Variants in GOLM2 observed in about 807,000 individuals in gnomAD.
GOLM2 encodes the protein golgi membrane protein 2.
A neutral mutation model predicts 55.9 loss-of-function variants in GOLM2; 26 were observed. That is an observed-to-expected ratio of 0.47 (90% confidence interval 0.34 to 0.65). GOLM2 has a LOEUF of 0.65. Among genes scored for constraint, GOLM2 ranks in the 30% least tolerant of loss-of-function variants. The pLI is 0.01. For missense variants in GOLM2, 486 were observed against 531.8 expected (o/e 0.91, Z 0.85); for synonymous variants, 165 against 194.6 (o/e 0.85, Z 1.27).
chr15:44,402,752 C>A, intron 8 of GOLM2, 135 bp from the exon 9 acceptor site: 1 of 679,826 alleles, frequency 1.5e-6, no homozygotes, highest in Non-Finnish European at 2.4e-6. Context: ...ATAACCTTCA[C>A]AAAATGTATC....
intron 6 of GOLM2, among the ~76,000 whole-genome samples, chr15:44,378,136 C>T (rs148919190): frequency 9.9e-4 from 150 of 151,430 alleles, no homozygotes; most frequent in African/African-American, 3.1e-3. Context: ...GCAAGCTCTG[C>T]GTCCCGGGTT....
chr15:44,402,775 G>T, intron 8 of GOLM2, 112 bp from the exon 9 acceptor site: 1 of 926,448 alleles, frequency 1.1e-6, no homozygotes, highest in Non-Finnish European at 1.6e-6. Context: ...TTTATATCCA[G>T]TACCCCAAAA....
chr15:44,412,903 T>C (rs2079647759), intron 9 of GOLM2, among the ~76,000 whole-genome samples: 1 of 151,284 alleles, frequency 6.6e-6, no homozygotes, highest in African/African-American at 2.4e-5. Flanking sequence ...CTTGGGAGGC[T>C]GAGGTAGGAG....
intron 6 of GOLM2, chr15:44,355,574 C>T (rs1413884644): frequency 5.7e-6 from 1 of 173,934 alleles, no homozygotes; most frequent in Non-Finnish European, 1.2e-5. Flanking sequence ...ACTTTTAATT[C>T]TGGGGCTAGC....
chr15:44,408,597 T>C (rs2079613072), intron 9 of GOLM2, among the ~76,000 whole-genome samples: 1 of 152,244 alleles, frequency 6.6e-6, no homozygotes, highest in South Asian at 2.1e-4. Flanking sequence ...ATCATGTTTG[T>C]TAAGTACGTG....
Position 44,295,080 on chromosome 15 carries a change from C to CT in GOLM2, c.327+5739dup, listed in dbSNP as rs1188122757. Among the ~76,000 whole-genome samples, 1,176 of 143,210 alleles carry CT rather than the reference C, an allele frequency of 8.2e-3. 2 individuals are homozygous for CT. Among genetic ancestry groups the CT allele is most frequent in the Admixed American group, 0.011 (152 of 14,252 alleles). The allele number at this position is 143,210 out of a possible 152,430, so 94.0% of individuals were successfully genotyped here. ...CCTGGGTTACTAAACACATAAATTC[C>CT]TTTTTTTTTTTTTTTCTGAGATGGA... On this transcript the variant is annotated intron_variant, in intron 1 of 9. Transcript: ENST00000299957.
intron 1 of GOLM2, among the ~76,000 whole-genome samples, chr15:44,309,877 C>G (rs914656024): frequency 5.3e-5 from 8 of 151,940 alleles, no homozygotes; most frequent in African/African-American, 1.2e-4. Context: ...GCCCCACCCC[C>G]TCACCAGCTT....
intron 1 of GOLM2, among the ~76,000 whole-genome samples, chr15:44,303,022 G>A (rs1034487884): frequency 1.3e-4 from 20 of 152,134 alleles, no homozygotes; most frequent in African/African-American, 4.8e-4. Flanking sequence ...AGAATCAATT[G>A]AACCTGGGAG....
intron 6 of GOLM2, among the ~76,000 whole-genome samples, chr15:44,370,795 G>T (rs574652770): frequency 6.6e-6 from 1 of 152,054 alleles, no homozygotes. Context: ...GAGTATCTGG[G>T]ACTACAAGTG....
chr15:44,371,226 T>G (rs866930276), intron 6 of GOLM2, among the ~76,000 whole-genome samples: 2 of 152,210 alleles, frequency 1.3e-5, no homozygotes, highest in Non-Finnish European at 2.9e-5. Context: ...TATATATCCC[T>G]TCTTTTAAGG....
chr15:44,383,120 TATATACATATACAGAATATATGTATAC>T, intron 8 of GOLM2, among the ~76,000 whole-genome samples: 1 of 150,996 alleles, frequency 6.6e-6, no homozygotes, highest in African/African-American at 2.4e-5. Context: ...CTGTATATAT[TATATACATATACAGAATATATGTATAC>T]ATATACATAT....
Position 44,380,838 on chromosome 15 carries a change from A to T in GOLM2, c.934A>T (p.Thr312Ser), listed in dbSNP as rs1259265612. 3.2e-6 allele frequency: 5 copies of T among 1,578,072 alleles called. No individual in the cohort carries two copies. In the Admixed American group the frequency reaches 8.9e-5, roughly 28 times the overall value. ...SHINHNGNPGTSKQNPSSPLQ... is the reference protein window; with the variant it reads ...SHINHNGNPGSSKQNPSSPLQ... ...CATAAACCACAATGGAAACCCCGGT[A>T]CTTCAAAACAGAATCCTTCCAGTCC... The change falls in exon 8 of 10, where the codon ACT becomes TCT. Residue 312 changes from threonine (T) to serine (S), a missense_variant. Thr to Ser is a moderately conservative substitution (Grantham distance 58). Transcript: ENST00000299957.
At chr15:44,344,287 G>GTATATATATATATATA (rs143483392) in intron 6 of GOLM2, among the ~76,000 whole-genome samples, 115 of 138,326 alleles carry the variant, frequency 8.3e-4, no homozygotes, top group African/African-American at 3.0e-3. Flanking sequence ...ATATGTGTGT[G>GTATATATATATATATA]TATATATATA....
chr15:44,353,875 A>G (rs965540769), intron 6 of GOLM2, among the ~76,000 whole-genome samples: 1 of 152,218 alleles, frequency 6.6e-6, no homozygotes, highest in Non-Finnish European at 1.5e-5. Flanking sequence ...TTGATAGAAC[A>G]GCAGAGTGAC....
chr15:44,291,759 C>T (rs1329900441), intron 1 of GOLM2, among the ~76,000 whole-genome samples: 1 of 152,100 alleles, frequency 6.6e-6, no homozygotes, highest in Non-Finnish European at 1.5e-5. Context: ...TGTTATTGAG[C>T]CTTTGCTCTC....
At chr15:44,377,391 T>C (rs1274433125) in intron 6 of GOLM2, among the ~76,000 whole-genome samples, 2 of 151,750 alleles carry the variant, frequency 1.3e-5, no homozygotes, top group Non-Finnish European at 2.9e-5. Context: ...AAAATAAAAA[T>C]AATCCTTGTG....
chr15:44,354,914 C>T (rs2079187599), intron 6 of GOLM2: 1 of 153,808 alleles, frequency 6.5e-6, no homozygotes, highest in African/African-American at 2.4e-5. Flanking sequence ...GAAATCCTAT[C>T]TCCATCTTCC....
rs1794499742 is a variant in GOLM2 at position 44,415,190 on chromosome 15, A to C, written c.*1784A>C. 1 of 152,622 alleles carries C rather than the reference A, an allele frequency of 6.6e-6. No individual in the cohort carries two copies. Among genetic ancestry groups the C allele is most frequent in the South Asian group, 2.1e-4 (1 of 4,834 alleles). 9.5% of individuals were successfully genotyped at this position (152,622 alleles called of 1,614,324 possible). On this transcript the variant is annotated 3_prime_UTR_variant, in exon 10 of 10. Coordinates refer to ENST00000299957, the MANE Select transcript of GOLM2 (RefSeq NM_138423.4). ...AGTAGTTTACTAAAATTGTTTTTCT[A>C]CCATATCAAATTAAACAATTCATGC...
Position 44,288,865 on chromosome 15 carries a change from G to A in GOLM2, c.-165G>A. 3.2e-6 allele frequency: 2 copies of A among 631,578 alleles called. No individual in the cohort carries two copies. The highest frequency in any genetic ancestry group is 4.0e-5 in the South Asian group (2 of 50,384). 39.1% of individuals were successfully genotyped at this position (631,578 alleles called of 1,614,324 possible). A position where few individuals can be genotyped will look rare whatever the true frequency, so the allele number is the denominator to read the frequency against. On this transcript the variant is annotated 5_prime_UTR_variant, in exon 1 of 10. Transcript: ENST00000299957. ...GGAGGGGGGCGGGGAGGGACCTGCG[G>A]CTTGCGGCCCCGCCCCCTTCTCCGG...
Sources: gnomAD v4.1 joint callset for allele counts (sites outside exome capture counted in the v4.1 genomes callset) on GRCh38, gnomAD v4.1.1 for gene constraint, MANE v1.5 for transcripts, NCBI Gene and HGNC (gene_info 2026-07-23, HGNC 2026-07-21) for gene names.